The following SPAG16 variants were observed in gnomAD, a reference collection of about 807,000 sequenced individuals.
SPAG16 encodes sperm-associated antigen 16 protein.
Under a neutral mutation model 80.4 loss-of-function variants are expected in SPAG16, and 86 were observed. That is an observed-to-expected ratio of 1.07 (90% CI 0.90 to 1.28). SPAG16 has a LOEUF of 1.28. Ranked by LOEUF, SPAG16 falls within the 50% of genes most tolerant of loss-of-function variation. The pLI, the probability that SPAG16 is intolerant of heterozygous loss-of-function variation, is 0.00. For missense variants in SPAG16, 870 were observed against 765.3 expected (o/e 1.14, Z -1.61); for synonymous variants, 294 against 265.9 (o/e 1.11, Z -1.03).
chr2:213,686,494 C>T (rs555748576), intron 10 of SPAG16, among the ~76,000 whole-genome samples: 8 of 152,054 alleles, frequency 5.3e-5, no homozygotes, highest in South Asian at 4.2e-4. Context: ...ATTAGCATGA[C>T]GTATTATTTC....
chr2:213,615,362 G>A (rs539971302), intron 10 of SPAG16, among the ~76,000 whole-genome samples: 2 of 152,270 alleles, frequency 1.3e-5, no homozygotes, highest in African/African-American at 2.4e-5. Flanking sequence ...AGGCTGAGGC[G>A]GGCAGATCAC....
At chr2:214,093,425 A>ATG (rs1455293865) in intron 13 of SPAG16, among the ~76,000 whole-genome samples, 3 of 148,994 alleles carry the variant, frequency 2.0e-5, no homozygotes, top group East Asian at 4.3e-4. Context: ...TATCATTCTA[A>ATG]TGTATATATA....
chr2:213,889,603 C>A (rs936535417), intron 11 of SPAG16, among the ~76,000 whole-genome samples: 8 of 150,778 alleles, frequency 5.3e-5, no homozygotes, highest in Middle Eastern at 3.5e-3. Context: ...GTTGCTCACA[C>A]ACACACACAC....
At chr2:213,715,226 A>ATCTATCTATCTG (rs1317889646) in intron 10 of SPAG16, among the ~76,000 whole-genome samples, 1 of 99,918 alleles carries the variant, frequency 1.0e-5, no homozygotes, top group East Asian at 2.4e-4. Flanking sequence ...CTATCTGTCT[A>ATCTATCTATCTG]TCTATCTATC....
intron 13 of SPAG16, among the ~76,000 whole-genome samples, chr2:214,100,620 C>A (rs1245613753): frequency 6.6e-6 from 1 of 152,032 alleles, no homozygotes; most frequent in Non-Finnish European, 1.5e-5. Context: ...CACTTAAATA[C>A]CAAAACATGT....
intron 10 of SPAG16, among the ~76,000 whole-genome samples, chr2:213,580,823 T>C (rs2060274315): frequency 6.6e-6 from 1 of 152,170 alleles, no homozygotes; most frequent in Non-Finnish European, 1.5e-5. Flanking sequence ...TACAAATTTA[T>C]AGGTACTTCT....
At chr2:213,518,556 G>A (rs2075535079) in intron 10 of SPAG16, among the ~76,000 whole-genome samples, 1 of 152,152 alleles carries the variant, frequency 6.6e-6, no homozygotes, top group Non-Finnish European at 1.5e-5. Flanking sequence ...TGGCTGGCCT[G>A]ATTGGCTATT....
intron 14 of SPAG16, among the ~76,000 whole-genome samples, chr2:214,126,441 G>A (rs991875591): frequency 6.6e-6 from 1 of 151,594 alleles, no homozygotes; most frequent in South Asian, 2.1e-4. Flanking sequence ...CTCCAACAGT[G>A]GCAACAGCCA....
chr2:213,995,481 A>T (rs1428783395), intron 12 of SPAG16, among the ~76,000 whole-genome samples: 2 of 152,234 alleles, frequency 1.3e-5, no homozygotes. Flanking sequence ...TATCCGTGAC[A>T]CATGAGTCTC....
At chr2:214,399,105 T>A (rs6704752) in intron 15 of SPAG16, among the ~76,000 whole-genome samples, 35,447 of 152,072 alleles carry the variant, frequency 0.23, 5,957 homozygotes, top group African/African-American at 0.47. Flanking sequence ...TCAGGTAATA[T>A]ATAGTGACAT....
chr2:214,039,855 A>T (rs979269869), intron 13 of SPAG16, among the ~76,000 whole-genome samples: 4 of 152,190 alleles, frequency 2.6e-5, no homozygotes, highest in African/African-American at 9.6e-5. Context: ...CCTCTCTGAG[A>T]CTTTAGGGGC....
At chr2:213,739,296 G>A (rs1403449501) in intron 10 of SPAG16, among the ~76,000 whole-genome samples, 1 of 152,010 alleles carries the variant, frequency 6.6e-6, no homozygotes, top group Non-Finnish European at 1.5e-5. Context: ...TATAATGTAG[G>A]TTTCATTGCT....
intron 7 of SPAG16, among the ~76,000 whole-genome samples, chr2:213,350,960 C>G (rs1038242209): frequency 9.8e-6 from 1 of 102,306 alleles, no homozygotes; most frequent in Non-Finnish European, 2.0e-5. Flanking sequence ...CCTGTCTCTA[C>G]TAAAAATACA....
intron 10 of SPAG16, among the ~76,000 whole-genome samples, chr2:213,518,491 G>T (rs1364064508): frequency 6.6e-6 from 1 of 152,148 alleles, no homozygotes; most frequent in East Asian, 1.9e-4. Context: ...CTGGGCTAAA[G>T]CATTCCTCCC....
chr2:213,719,652 A>G (rs918853374), intron 10 of SPAG16, among the ~76,000 whole-genome samples: 2 of 152,206 alleles, frequency 1.3e-5, no homozygotes, highest in Non-Finnish European at 2.9e-5. Flanking sequence ...ATCTCATGCT[A>G]GTTAGATCGG....
chr2:214,092,368 G>T (rs1325926400), intron 13 of SPAG16, among the ~76,000 whole-genome samples: 2 of 152,046 alleles, frequency 1.3e-5, no homozygotes, highest in East Asian at 3.9e-4. Context: ...AGGTGAATTG[G>T]TAGTTGTCAC....
chr2:213,577,223 T>C (rs1305281042), intron 10 of SPAG16, among the ~76,000 whole-genome samples: 1 of 152,156 alleles, frequency 6.6e-6, no homozygotes, highest in Non-Finnish European at 1.5e-5. Flanking sequence ...AAAGAAAATA[T>C]TCTGTGGCAA....
chr2:213,684,226 C>CA (rs953054594), intron 10 of SPAG16, among the ~76,000 whole-genome samples: 14 of 152,166 alleles, frequency 9.2e-5, no homozygotes, highest in Admixed American at 2.0e-4. Flanking sequence ...ATTTCTCTCA[C>CA]AAAAAACGTG....
intron 10 of SPAG16, among the ~76,000 whole-genome samples, chr2:213,544,107 AT>A (rs60128650): frequency 0.081 from 11,988 of 148,192 alleles, 1,162 homozygotes; most frequent in African/African-American, 0.23. Context: ...TGGCTTTCTG[AT>A]TTTTTTTTTA....
Sources: allele counts gnomAD v4.1 joint callset (sites outside exome capture counted in the v4.1 genomes callset), GRCh38; gene constraint gnomAD v4.1.1; transcripts MANE v1.5; gene names NCBI Gene and HGNC (gene_info 2026-07-23, HGNC 2026-07-21).